Variants in FSTL5 observed in about 807,000 individuals in gnomAD.
The protein encoded by FSTL5 is follistatin like 5, also known as follistatin-related protein 5.
FSTL5 carries 62 observed loss-of-function variants against 89.1 expected under a neutral mutation model. That is an observed-to-expected ratio of 0.70 (90% CI 0.57 to 0.86). The LOEUF (loss-of-function observed/expected upper bound fraction) is 0.86, where lower values mean the gene tolerates loss of function less well. FSTL5 is among the 40% of genes least tolerant of loss of function. The pLI, the probability that FSTL5 is intolerant of heterozygous loss-of-function variation, is 0.00. For missense variants in FSTL5, 1,057 were observed against 1,001.6 expected (o/e 1.06, Z -0.75); for synonymous variants, 383 against 346.2 (o/e 1.11, Z -1.18).
intron 7 of FSTL5, among the ~76,000 whole-genome samples, chr4:161,639,049 A>C (rs1384468016): frequency 6.6e-6 from 1 of 151,824 alleles, no homozygotes; most frequent in Admixed American, 6.6e-5. Context: ...ATCATACTGA[A>C]TGGGCAAAAA....
chr4:162,029,212 GC>G, intron 3 of FSTL5, among the ~76,000 whole-genome samples: 1 of 151,386 alleles, frequency 6.6e-6, no homozygotes, highest in Non-Finnish European at 1.5e-5. Context: ...GACTGCAGGC[GC>G]CATAATACAT....
chr4:161,862,141 C>A (rs540847730), intron 4 of FSTL5, among the ~76,000 whole-genome samples: 1 of 152,106 alleles, frequency 6.6e-6, no homozygotes, highest in Non-Finnish European at 1.5e-5. Flanking sequence ...AATCTTTTAA[C>A]AAATATTGTT....
At chr4:161,959,410 G>A (rs1250572867) in intron 3 of FSTL5, among the ~76,000 whole-genome samples, 1 of 151,914 alleles carries the variant, frequency 6.6e-6, no homozygotes. Flanking sequence ...ATCACTCAGC[G>A]TAATTTGTTA....
chr4:161,892,568 G>A (rs1330225209), intron 4 of FSTL5, among the ~76,000 whole-genome samples: 4 of 152,004 alleles, frequency 2.6e-5, no homozygotes, highest in Admixed American at 2.0e-4. Context: ...AATGTTGACT[G>A]TATCTCTGTA....
At chr4:161,774,478 AC>A (rs1579082386) in intron 5 of FSTL5, among the ~76,000 whole-genome samples, 1 of 152,260 alleles carries the variant, frequency 6.6e-6, no homozygotes, top group Non-Finnish European at 1.5e-5. Flanking sequence ...GAAGCTTGAA[AC>A]ATGTATGAGT....
At chr4:161,459,563 T>C (rs1223653088) in intron 13 of FSTL5, among the ~76,000 whole-genome samples, 4 of 152,146 alleles carry the variant, frequency 2.6e-5, no homozygotes, top group Non-Finnish European at 5.9e-5. Context: ...ACAATTATCA[T>C]ATACATGATA....
intron 10 of FSTL5, among the ~76,000 whole-genome samples, chr4:161,530,914 T>G (rs1019251317): frequency 4.6e-5 from 7 of 152,140 alleles, no homozygotes; most frequent in Admixed American, 2.6e-4. Context: ...CAAGTGCTTA[T>G]GCTATGTACA....
At chr4:161,543,501 G>A (rs528519501) in intron 8 of FSTL5, among the ~76,000 whole-genome samples, 1 of 151,862 alleles carries the variant, frequency 6.6e-6, no homozygotes, top group African/African-American at 2.4e-5. Context: ...TGAAATTACA[G>A]GAGACCCCCA....
chr4:162,155,202 A>T (rs1270196612), intron 1 of FSTL5, among the ~76,000 whole-genome samples: 2 of 152,228 alleles, frequency 1.3e-5, no homozygotes, highest in Non-Finnish European at 2.9e-5. Context: ...AATTAAATGT[A>T]TATCAAAAGG....
chr4:162,060,331 G>A (rs1274260333), intron 2 of FSTL5, among the ~76,000 whole-genome samples: 1 of 152,040 alleles, frequency 6.6e-6, no homozygotes, highest in Non-Finnish European at 1.5e-5. Context: ...ACATAGCATA[G>A]TAGAGCTTCT....
chr4:161,513,671 G>A (rs953029872), intron 10 of FSTL5, among the ~76,000 whole-genome samples: 3 of 152,058 alleles, frequency 2.0e-5, no homozygotes, highest in African/African-American at 7.2e-5. Context: ...AAAAGAACAG[G>A]ATCATGTCCT....
At chr4:161,928,171 T>C (rs1560921403) in intron 3 of FSTL5, among the ~76,000 whole-genome samples, 3 of 150,800 alleles carry the variant, frequency 2.0e-5, no homozygotes. Flanking sequence ...TGTAGGCTTT[T>C]ATCATGGACT....
chr4:161,404,013 T>C (rs1469881823), intron 15 of FSTL5, among the ~76,000 whole-genome samples: 1 of 152,170 alleles, frequency 6.6e-6, no homozygotes. Context: ...GTCTTGAAAA[T>C]AGAAGTCCAC....
intron 8 of FSTL5, among the ~76,000 whole-genome samples, chr4:161,554,384 G>A (rs1443382138): frequency 6.6e-6 from 1 of 151,484 alleles, no homozygotes; most frequent in African/African-American, 2.4e-5. Flanking sequence ...ATATTAGAAA[G>A]ATTCTAATGT....
intron 7 of FSTL5, among the ~76,000 whole-genome samples, chr4:161,654,080 T>C (rs927321501): frequency 6.6e-6 from 1 of 152,164 alleles, no homozygotes; most frequent in Non-Finnish European, 1.5e-5. Flanking sequence ...TATATTTATG[T>C]ATATTTTAGA....
intron 8 of FSTL5, among the ~76,000 whole-genome samples, chr4:161,552,850 A>G (rs1255474137): frequency 1.3e-5 from 2 of 151,734 alleles, no homozygotes; most frequent in African/African-American, 4.8e-5. Flanking sequence ...ATTATGAAAT[A>G]TAAATGAGGA....
rs376328530 is a variant in FSTL5 at position 162,111,925 on chromosome 4, G to T, written c.-16-513C>A. ...ACTGAGTACAACAGAAGTTATGCAG[G>T]TGGATTATATTTAGTTATTAATGTA... is the stretch of plus-strand genomic sequence containing the variant. On this transcript the variant is annotated intron_variant, in intron 1 of 15. Transcript: ENST00000306100. Among the ~76,000 whole-genome samples the T allele has an allele frequency of 2.8e-4, 43 of 152,196 alleles. No individual in the cohort carries two copies. The South Asian group carries it at 6.8e-3, about 24-fold the overall frequency.
intron 1 of FSTL5, among the ~76,000 whole-genome samples, chr4:162,125,616 G>A (rs1023668054): frequency 2.0e-5 from 3 of 151,890 alleles, no homozygotes; most frequent in Non-Finnish European, 2.9e-5. Flanking sequence ...ATTCAATAAG[G>A]AAATCCTTGG....
intron 7 of FSTL5, among the ~76,000 whole-genome samples, chr4:161,623,817 T>C (rs1035260305): frequency 2.6e-5 from 4 of 152,024 alleles, no homozygotes; most frequent in African/African-American, 4.8e-5. Context: ...AGAAGAGTTC[T>C]GTGAATTATC....
Sources: allele counts gnomAD v4.1 joint callset (sites outside exome capture counted in the v4.1 genomes callset), GRCh38; gene constraint gnomAD v4.1.1; transcripts MANE v1.5; gene names NCBI Gene and HGNC (gene_info 2026-07-23, HGNC 2026-07-21).